Variants in DPYSL5 observed in about 807,000 individuals in gnomAD.
DPYSL5 encodes the protein dihydropyrimidinase-related protein 5.
In DPYSL5, 9 loss-of-function variants were observed where a neutral mutation model predicts 58.4. The observed-to-expected ratio is 0.15, with a 90% CI of 0.09 to 0.27. The LOEUF is 0.27. Among genes scored for constraint, DPYSL5 ranks in the 10% least tolerant of loss-of-function variants. The pLI, the probability that DPYSL5 is intolerant of heterozygous loss-of-function variation, is 1.00. For synonymous variants in DPYSL5, 293 were observed against 301.9 expected (o/e 0.97, Z 0.31); for missense variants, 499 against 770.6 (o/e 0.65, Z 4.17).
rs1665527475 is a variant in DPYSL5, at chr2:26,947,777, G to C, written c.*782G>C. ...CTAGCATAGAATAGCGACAGGAATA[G>C]ATGTGGTCCTTAGGAGACGCTGCAC... is the stretch of plus-strand genomic sequence containing the variant. On this transcript the variant is annotated 3_prime_UTR_variant, in exon 13 of 13. Coordinates refer to ENST00000288699, the MANE Select transcript of DPYSL5 (RefSeq NM_020134.4). The surrounding 1 kb of genome is among the most constrained non-coding windows in gnomAD (Gnocchi z 4.2). 1 of 152,974 alleles carries C rather than the reference G, an allele frequency of 6.5e-6. No homozygotes were observed. The allele number at this position is 152,974 out of a possible 1,614,324, so 9.5% of individuals were successfully genotyped here. A position where few individuals can be genotyped will look rare whatever the true frequency, so the allele number is the denominator to read the frequency against.
rs150917215 is a variant in DPYSL5 at position 26,851,814 on chromosome 2, G to A, written c.-5+3560G>A. Among the ~76,000 whole-genome samples, 1,113 of 152,212 alleles carry A rather than the reference G, an allele frequency of 7.3e-3. 16 individuals are homozygous for A. The highest frequency in any genetic ancestry group is 0.026 in the African/African-American group (1,070 of 41,524). On this transcript the variant is annotated intron_variant, in intron 1 of 12. Coordinates refer to ENST00000288699, the MANE Select transcript of DPYSL5 (RefSeq NM_020134.4). ...AAAAAAATTAGCCTGACGTGGTGGC[G>A]CACACCTGTAGTCCCAGCTACTTGG...
intron 12 of DPYSL5, among the ~76,000 whole-genome samples, chr2:26,946,676 G>A (rs1483955130): frequency 6.6e-6 from 1 of 152,158 alleles, no homozygotes; most frequent in Non-Finnish European, 1.5e-5. Context: ...TAATAATGTC[G>A]GCTCTGAATC....
intron 1 of DPYSL5, among the ~76,000 whole-genome samples, chr2:26,871,587 G>T (rs972003440): frequency 1.3e-5 from 2 of 151,894 alleles, no homozygotes; most frequent in African/African-American, 2.4e-5. Flanking sequence ...GATTACAGTT[G>T]CGCACCACCA....
Sources: allele counts gnomAD v4.1 joint callset (sites outside exome capture counted in the v4.1 genomes callset), GRCh38; gene constraint gnomAD v4.1.1; non-coding constraint Gnocchi (gnomAD v3.1); transcripts MANE v1.5; gene names NCBI Gene and HGNC (gene_info 2026-07-23, HGNC 2026-07-21).